NRG1: variants seen among roughly 807,000 people sequenced by gnomAD.
NRG1 encodes the protein neuregulin 1.
A neutral mutation model predicts 63.8 loss-of-function variants in NRG1; 18 were observed. The observed-to-expected ratio is 0.28, with a 90% CI of 0.19 to 0.42. The LOEUF (loss-of-function observed/expected upper bound fraction) is 0.42. NRG1 is among the 10% of genes least tolerant of loss of function. NRG1 has a pLI of 1.00. For missense variants in NRG1, 762 were observed against 814.7 expected (o/e 0.94, Z 0.79); for synonymous variants, 302 against 301.3 (o/e 1.00, Z -0.02).
intron 1 of NRG1, among the ~76,000 whole-genome samples, chr8:31,856,130 T>G (rs1033784652): frequency 6.6e-6 from 1 of 152,028 alleles, no homozygotes; most frequent in African/African-American, 2.4e-5. Context: ...TGTGGCGTTC[T>G]CTGTATTTCC....
At chr8:32,193,946 A>C (rs1274235726) in intron 1 of NRG1, among the ~76,000 whole-genome samples, 14 of 152,230 alleles carry the variant, frequency 9.2e-5, no homozygotes, top group Admixed American at 9.2e-4. Flanking sequence ...CCTGCAGAGG[A>C]AGCAGCCCTG....
At chr8:31,650,222 C>T (rs1023042988) in intron 1 of NRG1, among the ~76,000 whole-genome samples, 4 of 152,162 alleles carry the variant, frequency 2.6e-5, no homozygotes, top group African/African-American at 4.8e-5. Context: ...AAGCAATGCT[C>T]CCACCTCAGC....
chr8:32,222,973 A>G (rs550514493), intron 1 of NRG1, among the ~76,000 whole-genome samples: 74 of 152,328 alleles, frequency 4.9e-4, no homozygotes, highest in African/African-American at 1.7e-3. Flanking sequence ...CAATCAATCA[A>G]AGAGAGACAA....
intron 5 of NRG1, chr8:32,646,986 G>T: frequency 6.1e-6 from 6 of 985,002 alleles, no homozygotes; most frequent in Non-Finnish European, 7.2e-6. Flanking sequence ...GAGAAGAGCC[G>T]CAGAGGAAGA....
chr8:32,548,869 C>T, intron 1 of NRG1, 43 bp downstream of exon 1: 2 of 1,511,902 alleles, frequency 1.3e-6, no homozygotes, highest in African/African-American at 1.4e-5. Context: ...CCTCCTCCTG[C>T]TCCTCCTACT....
intron 1 of NRG1, among the ~76,000 whole-genome samples, chr8:31,766,264 C>T (rs980481152): frequency 6.6e-6 from 1 of 152,154 alleles, no homozygotes; most frequent in Admixed American, 6.5e-5. Context: ...ACACTTCAAC[C>T]TACCACGTTA....
intron 1 of NRG1, among the ~76,000 whole-genome samples, chr8:32,180,780 C>T (rs553331360): frequency 4.1e-4 from 62 of 152,196 alleles, no homozygotes; most frequent in African/African-American, 1.4e-3. Context: ...AATTCACTCT[C>T]CTAGCAATTT....
At chr8:31,886,799 A>G (rs1830750313) in intron 1 of NRG1, among the ~76,000 whole-genome samples, 2 of 152,022 alleles carry the variant, frequency 1.3e-5, no homozygotes, top group African/African-American at 4.8e-5. Flanking sequence ...AGCTTCTCCA[A>G]ATCTTGGAGA....
chr8:32,649,670 C>T lies in NRG1; in HGVS notation c.502+32785C>T, dbSNP rs527679500. 5.9e-5 allele frequency among the ~76,000 whole-genome samples: 9 copies of T among 152,260 alleles called. No individual in the cohort carries two copies. In the East Asian group the frequency reaches 9.6e-4, roughly 16 times the overall value. ...AAAACTTGATTTGTGCTTGTAACTC[C>T]CGATCATTTCACGAACACCAGATTC... On this transcript the variant is annotated intron_variant, in intron 5 of 11. Coordinates refer to ENST00000356819, the Ensembl canonical transcript of NRG1.
At chr8:32,555,292 A>G (rs1258177662) in intron 1 of NRG1, among the ~76,000 whole-genome samples, 1 of 152,158 alleles carries the variant, frequency 6.6e-6, no homozygotes, top group East Asian at 1.9e-4. Context: ...TTGGAAAACT[A>G]TAGGTGAAAG....
intron 1 of NRG1, among the ~76,000 whole-genome samples, chr8:32,432,595 C>T (rs1201261340): frequency 2.6e-5 from 4 of 152,058 alleles, no homozygotes; most frequent in Non-Finnish European, 2.9e-5. Flanking sequence ...CTGCAACCTC[C>T]GCCTCCCAGG....
At chr8:32,290,503 TCTCAG>T (rs913396517) in intron 1 of NRG1, among the ~76,000 whole-genome samples, 45 of 152,252 alleles carry the variant, frequency 3.0e-4, no homozygotes, top group African/African-American at 9.9e-4. Context: ...GGGCTAGCTC[TCTCAG>T]CTTTCCGAGA....
chr8:32,067,605 C>T (rs1351591449), intron 1 of NRG1, among the ~76,000 whole-genome samples: 1 of 152,028 alleles, frequency 6.6e-6, no homozygotes, highest in East Asian at 1.9e-4. Context: ...ATTTTATGGC[C>T]GTCAATTTTT....
intron 1 of NRG1, among the ~76,000 whole-genome samples, chr8:31,736,430 G>A (rs540711000): frequency 1.2e-3 from 184 of 152,212 alleles, no homozygotes; most frequent in African/African-American, 4.0e-3. Context: ...AGAGATGTCT[G>A]TCTTCATCCC....
chr8:32,651,985 G>A (rs937721654), intron 5 of NRG1, among the ~76,000 whole-genome samples: 9 of 152,072 alleles, frequency 5.9e-5, no homozygotes, highest in Non-Finnish European at 1.2e-4. Flanking sequence ...AAGAAACCCA[G>A]GCTCAGAAAT....
intron 1 of NRG1, among the ~76,000 whole-genome samples, chr8:32,520,481 C>A (rs998981361): frequency 1.2e-4 from 18 of 151,996 alleles, no homozygotes; most frequent in African/African-American, 4.1e-4. Context: ...TTTACCTGTA[C>A]AATGGGGATA....
chr8:31,711,603 G>A (rs1014874520), intron 1 of NRG1, among the ~76,000 whole-genome samples: 1 of 152,070 alleles, frequency 6.6e-6, no homozygotes, highest in Non-Finnish European at 1.5e-5. Flanking sequence ...GACTTTTGGG[G>A]AGCTTATATC....
chr8:31,662,495 C>A (rs939585161), intron 1 of NRG1, among the ~76,000 whole-genome samples: 1 of 152,170 alleles, frequency 6.6e-6, no homozygotes, highest in Non-Finnish European at 1.5e-5. Context: ...CTACCAGGTG[C>A]ACCTGCCACT....
chr8:32,430,453 G>T (rs1817981866), intron 1 of NRG1, among the ~76,000 whole-genome samples: 1 of 152,188 alleles, frequency 6.6e-6, no homozygotes, highest in Non-Finnish European at 1.5e-5. Flanking sequence ...CTTGGGCACA[G>T]GGTGAGAGTT....
Sources: gnomAD v4.1 joint callset for allele counts (sites outside exome capture counted in the v4.1 genomes callset) on GRCh38, gnomAD v4.1.1 for gene constraint, MANE v1.5 for transcripts, NCBI Gene and HGNC (gene_info 2026-07-23, HGNC 2026-07-21) for gene names.